DDAH1: variants seen among roughly 807,000 people sequenced by gnomAD.
The protein encoded by DDAH1 is N(G),N(G)-dimethylarginine dimethylaminohydrolase 1.
DDAH1 carries 19 observed loss-of-function variants against 28.8 expected under a neutral mutation model. The observed-to-expected ratio is 0.66, with a 90% CI of 0.46 to 0.97. The LOEUF (loss-of-function observed/expected upper bound fraction) is 0.97. Ranked by LOEUF, DDAH1 falls within the 50% of genes least tolerant of loss-of-function variation. The pLI, the probability that DDAH1 is intolerant of heterozygous loss-of-function variation, is 0.00. For synonymous variants in DDAH1, 153 were observed against 154.4 expected (o/e 0.99, Z 0.07); for missense variants, 326 against 375.9 (o/e 0.87, Z 1.10).
intron 1 of DDAH1, among the ~76,000 whole-genome samples, chr1:85,438,957 T>C (rs968211058): frequency 6.6e-6 from 1 of 152,210 alleles, no homozygotes; most frequent in Admixed American, 6.5e-5. Context: ...AGACCAAATC[T>C]GATTTGAAAT....
chr1:85,506,041 T>C (rs1160813785), intron 1 of DDAH1, among the ~76,000 whole-genome samples: 4 of 152,176 alleles, frequency 2.6e-5, no homozygotes, highest in Non-Finnish European at 5.9e-5. Flanking sequence ...TGGCTATTAA[T>C]CATGAGGATT....
chr1:85,367,069 C>T (rs12046433), intron 1 of DDAH1, among the ~76,000 whole-genome samples: 2,603 of 152,226 alleles, frequency 0.017, 69 homozygotes, highest in East Asian at 0.12. Flanking sequence ...CTAAGTTGGA[C>T]TGAGCTGTTA....
chr1:85,495,767 G>A (rs1331282994), intron 2 of DDAH1: 1 of 152,220 alleles, frequency 6.6e-6, no homozygotes, highest in Non-Finnish European at 1.5e-5. Context: ...GGACTGGAGA[G>A]ACACTCCCAG....
chr1:85,325,594 AC>A (rs1485388397), intron 4 of DDAH1, among the ~76,000 whole-genome samples: 2 of 151,580 alleles, frequency 1.3e-5, no homozygotes, highest in Non-Finnish European at 2.9e-5. Flanking sequence ...GGTTCCCTGG[AC>A]CACAACTGGA....
chr1:85,366,700 G>A (rs994870996), intron 1 of DDAH1, among the ~76,000 whole-genome samples: 2 of 152,056 alleles, frequency 1.3e-5, no homozygotes, highest in African/African-American at 4.8e-5. Context: ...GAGGCAAGAG[G>A]CTGGATATAT....
chr1:85,427,792 TTC>T (rs1442889233), intron 1 of DDAH1, among the ~76,000 whole-genome samples: 11 of 152,068 alleles, frequency 7.2e-5, no homozygotes, highest in Non-Finnish European at 1.3e-4. Context: ...ACATTTTTTT[TTC>T]TTTTTGTACC....
At chr1:85,493,903 G>C (rs184888370) in intron 2 of DDAH1, 1 of 152,188 alleles carries the variant, frequency 6.6e-6, no homozygotes, top group Non-Finnish European at 1.5e-5. Context: ...GGCTAACTGT[G>C]TATTTCTAGT....
chr1:85,371,153 G>C (rs1400043514), intron 1 of DDAH1, among the ~76,000 whole-genome samples: 2 of 152,174 alleles, frequency 1.3e-5, no homozygotes, highest in African/African-American at 2.4e-5. Flanking sequence ...GGCAGGAAGA[G>C]CTACTTAACG....
chr1:85,560,153 C>T (rs916970806), intron 1 of DDAH1, among the ~76,000 whole-genome samples: 1 of 152,044 alleles, frequency 6.6e-6, no homozygotes, highest in Non-Finnish European at 1.5e-5. Flanking sequence ...TACAATGGAA[C>T]AACATCTTTA....
intron 2 of DDAH1, among the ~76,000 whole-genome samples, chr1:85,475,293 C>A (rs187828465): frequency 5.3e-5 from 8 of 152,302 alleles, no homozygotes; most frequent in Admixed American, 3.9e-4. Context: ...AAGTGCTCAA[C>A]AAACGTTAGC....
At chr1:85,533,250 C>A (rs1230969241) in intron 1 of DDAH1, among the ~76,000 whole-genome samples, 2 of 152,128 alleles carry the variant, frequency 1.3e-5, no homozygotes, top group Admixed American at 6.5e-5. Context: ...TTTACATTAA[C>A]CTTTACAAAT....
At chr1:85,328,306 G>T (rs868252678) in intron 4 of DDAH1, among the ~76,000 whole-genome samples, 10 of 152,168 alleles carry the variant, frequency 6.6e-5, no homozygotes, top group Non-Finnish European at 1.3e-4. Context: ...ATATCAAACC[G>T]AACACATAAG....
chr1:85,506,037 T>C (rs913494769), intron 1 of DDAH1, among the ~76,000 whole-genome samples: 42 of 152,330 alleles, frequency 2.8e-4, no homozygotes, highest in African/African-American at 8.7e-4. Context: ...AATGTGGCTA[T>C]TAATCATGAG....
At chr1:85,386,351 T>TAACA (rs1257714520) in intron 1 of DDAH1, among the ~76,000 whole-genome samples, 1 of 152,212 alleles carries the variant, frequency 6.6e-6, no homozygotes, top group African/African-American at 2.4e-5. Context: ...GGCACTGGGT[T>TAACA]AACAGTCCGA....
rs74096895 is a variant in DDAH1 at position 85,338,101 on chromosome 1, T to A, written c.597+12314A>T. On this transcript the variant is annotated intron_variant, in intron 4 of 5. Transcript: ENST00000284031. ...CTATTCCTTCTTGTAGAATTTAGTA[T>A]CATGTATTTAGTATCATACCACAGG... Among the ~76,000 whole-genome samples, 862 of 152,336 alleles carry A rather than the reference T, an allele frequency of 5.7e-3. 12 individuals are homozygous for A. Among genetic ancestry groups the A allele is most frequent in the African/African-American group, 0.02 (820 of 41,576 alleles).
intron 4 of DDAH1, among the ~76,000 whole-genome samples, chr1:85,347,135 T>C (rs1354501555): frequency 6.6e-6 from 1 of 152,106 alleles, no homozygotes; most frequent in Non-Finnish European, 1.5e-5. Context: ...GGAGAGGATG[T>C]GGAGAAATAG....
chr1:85,411,576 G>T (rs1652657323), intron 1 of DDAH1, among the ~76,000 whole-genome samples: 1 of 152,166 alleles, frequency 6.6e-6, no homozygotes, highest in South Asian at 2.1e-4. Flanking sequence ...CTAGCTCTTA[G>T]CAAAATGGCT....
At chr1:85,465,240 C>G (rs186942293), upstream of DDAH1, 4,272 of 1,097,956 alleles carry the variant, frequency 3.9e-3, 13 homozygotes, top group Admixed American at 0.017. Flanking sequence ...CCGGCCCGCG[C>G]GCATCCCGCG....
At chr1:85,352,815 T>G (rs1182245091) in intron 2 of DDAH1, among the ~76,000 whole-genome samples, 2 of 152,198 alleles carry the variant, frequency 1.3e-5, no homozygotes, top group African/African-American at 4.8e-5. Flanking sequence ...TATATGTCAC[T>G]TCGCTTAAAA....
Sources: gnomAD v4.1 joint callset for allele counts (sites outside exome capture counted in the v4.1 genomes callset) on GRCh38, gnomAD v4.1.1 for gene constraint, MANE v1.5 for transcripts, NCBI Gene and HGNC (gene_info 2026-07-23, HGNC 2026-07-21) for gene names.